MCF2L: variants seen among roughly 807,000 people sequenced by gnomAD.
MCF2L encodes the protein guanine nucleotide exchange factor DBS.
A neutral mutation model predicts 153.4 loss-of-function variants in MCF2L; 97 were observed. The ratio of observed to expected loss-of-function variants is 0.63; its 90% CI spans 0.54 to 0.75. The LOEUF is 0.75. Ranked by LOEUF, MCF2L falls within the 30% of genes least tolerant of loss-of-function variation. The pLI is 0.00. For synonymous variants in MCF2L, 659 were observed against 632.2 expected, an observed-to-expected ratio of 1.04 and a Z score of -0.64; for missense variants, 1,347 against 1,495.2, an observed-to-expected ratio of 0.90 and a Z score of 1.64.
intron 2 of MCF2L, among the ~76,000 whole-genome samples, chr13:113,019,185 G>A (rs558913488): frequency 6.6e-6 from 1 of 152,192 alleles, no homozygotes; most frequent in Non-Finnish European, 1.5e-5. Flanking sequence ...TTAAGTGTTT[G>A]TGCAGCTGAG....
intron 26 of MCF2L, chr13:113,090,506 G>A (rs373231143): frequency 5.9e-5 from 58 of 982,152 alleles, no homozygotes; most frequent in African/African-American, 5.8e-4. Context: ...TGCTGGCTGC[G>A]TGTCTCTGCT....
At chr13:113,033,341 A>G (rs1325201225) in intron 3 of MCF2L, among the ~76,000 whole-genome samples, 15 of 67,366 alleles carry the variant, frequency 2.2e-4, no homozygotes, top group East Asian at 1.6e-3. Flanking sequence ...GGCCCCCGTG[A>G]CATTAGTGGA....
At chr13:112,992,926 T>C (rs1388241009) in intron 1 of MCF2L, among the ~76,000 whole-genome samples, 3 of 152,216 alleles carry the variant, frequency 2.0e-5, no homozygotes, top group Non-Finnish European at 4.4e-5. Flanking sequence ...CGTAAGGGTG[T>C]CTACACTGAG....
intron 15 of MCF2L, 31 bp from the exon 16 acceptor site, chr13:113,081,182 C>G: frequency 1.3e-6 from 2 of 1,555,814 alleles, no homozygotes; most frequent in Non-Finnish European, 8.7e-7. Flanking sequence ...CAGTGCTAAC[C>G]TTTTTTGCTC....
rs944842655 is a variant in MCF2L at position 113,053,260 on chromosome 13, G to C, written c.370-7333G>C. ...AAATCCAGGTCCAGTGAAGGACGGC[G>C]CCCCCGTCAGCTGTCCACCCTTCTC... On this transcript the variant is annotated intron_variant, in intron 4 of 29. Transcript: ENST00000535094. This position sits in a 1 kb window ranked among gnomAD's most constrained non-coding sequence, Gnocchi z 4.4. Among the ~76,000 whole-genome samples, 1 of 152,118 alleles carries C rather than the reference G, an allele frequency of 6.6e-6. No individual in the cohort carries two copies. Among genetic ancestry groups the C allele is most frequent in the Admixed American group, 6.5e-5 (1 of 15,270 alleles).
At position 112,980,047 on chromosome 13, in the gene MCF2L, G is replaced by A. The variant is rs149081743; in HGVS notation, c.79+10589G>A. ...TTGGAAAGACGAGTGGACTCAAAGCGAGGGAAGCGGCAGTGGTGGGTTTAA... is the reference window on the plus strand; with the variant it reads ...TTGGAAAGACGAGTGGACTCAAAGCAAGGGAAGCGGCAGTGGTGGGTTTAA... On this transcript the variant is annotated intron_variant, in intron 1 of 29. Transcript: ENST00000535094. Among the ~76,000 whole-genome samples, 845 of 152,344 alleles carry A rather than the reference G, an allele frequency of 5.5e-3. 7 individuals carry two copies. The highest frequency in any genetic ancestry group is 0.02 in the African/African-American group (821 of 41,570).
chr13:112,901,447 C>T (rs1056897760), intron 1 of MCF2L, among the ~76,000 whole-genome samples: 2 of 152,186 alleles, frequency 1.3e-5, no homozygotes, highest in East Asian at 1.9e-4. Flanking sequence ...AGCCACAATA[C>T]GGTTTATTTA....
rs373112614 is a variant in MCF2L, at chr13:113,065,081, C to G, written c.752C>G (p.Ala251Gly). Residue 251 changes from alanine (A) to glycine (G), a missense_variant, in exon 7 of 30, where the codon GCG (alanine) becomes GGG (glycine). This residue lies in a region of MCF2L where 820 missense variants were observed against 921.2 expected (regional missense o/e 0.89). Coordinates refer to ENST00000535094, the MANE Select transcript of MCF2L (RefSeq NM_001112732.3). ...GCGCACACAGAGAAGAAGGACAAGG[C>G]GAAGGTACATGGGGGGTGCTCCGGC... ...LCAHTEKKDK[A>G]KEDLRLALKE... The G allele has an allele frequency of 8.1e-6, 13 of 1,601,540 alleles. No homozygotes were observed. Among genetic ancestry groups the G allele is most frequent in the South Asian group, 6.7e-5 (6 of 90,184 alleles).
At chr13:112,929,643 G>A (rs2081441703) in intron 2 of MCF2L, among the ~76,000 whole-genome samples, 1 of 152,210 alleles carries the variant, frequency 6.6e-6, no homozygotes, top group African/African-American at 2.4e-5. Context: ...CAGGTGGGTG[G>A]AGCTCCAGAC....
intron 9 of MCF2L, among the ~76,000 whole-genome samples, chr13:113,071,330 G>A (rs949030575): frequency 1.3e-5 from 2 of 152,122 alleles, no homozygotes; most frequent in African/African-American, 4.8e-5. Flanking sequence ...TGTGGTTTGC[G>A]AATATTTTCT....
At chr13:113,021,469 C>G (rs2084880927) in intron 2 of MCF2L, among the ~76,000 whole-genome samples, 1 of 152,174 alleles carries the variant, frequency 6.6e-6, no homozygotes, top group Non-Finnish European at 1.5e-5. Context: ...AGGTCTCAGC[C>G]AGGACAGTGG....
intron 1 of MCF2L, among the ~76,000 whole-genome samples, chr13:112,994,805 G>C (rs1262369865): frequency 1.3e-5 from 2 of 152,254 alleles, no homozygotes; most frequent in African/African-American, 4.8e-5. Flanking sequence ...GGTAGAGTGA[G>C]TCGGAAAGGC....
upstream of MCF2L, chr13:112,966,149 G>A (rs1303175438): frequency 6.6e-6 from 1 of 152,250 alleles, no homozygotes; most frequent in African/African-American, 2.4e-5. This position sits in a 1 kb window ranked among gnomAD's most constrained non-coding sequence, Gnocchi z 4.1. Context: ...GCTCCCTAAT[G>A]CCAGGTGTAA....
At chr13:112,985,908 C>T (rs1594489431) in intron 1 of MCF2L, among the ~76,000 whole-genome samples, 1 of 152,322 alleles carries the variant, frequency 6.6e-6, no homozygotes, top group South Asian at 2.1e-4. Flanking sequence ...GGTGACGTGC[C>T]TGAGGATCGG....
chr13:113,021,519 C>T (rs1041106334), intron 2 of MCF2L, among the ~76,000 whole-genome samples: 1 of 152,172 alleles, frequency 6.6e-6, no homozygotes, highest in Non-Finnish European at 1.5e-5. Flanking sequence ...GCCCCTGGTG[C>T]TGTGTGGACA....
intron 2 of MCF2L, among the ~76,000 whole-genome samples, chr13:112,912,983 CTG>C (rs1374949257): frequency 3.1e-5 from 4 of 129,948 alleles, no homozygotes; most frequent in East Asian, 2.3e-4. Context: ...TGGGGTGTGT[CTG>C]TGTGATTGTG....
intron 1 of MCF2L, among the ~76,000 whole-genome samples, chr13:112,975,960 C>A (rs908493038): frequency 6.6e-6 from 1 of 152,100 alleles, no homozygotes; most frequent in Non-Finnish European, 1.5e-5. Context: ...ACCCCAGGAG[C>A]CTTTGTCCAG....
chr13:113,036,533 G>C (rs984552974), intron 3 of MCF2L, among the ~76,000 whole-genome samples: 32 of 152,208 alleles, frequency 2.1e-4, no homozygotes, highest in African/African-American at 7.7e-4. Context: ...GCATCAGGTG[G>C]GGCTGATTCC....
chr13:112,948,894 C>T (rs1315245230), intron 2 of MCF2L, among the ~76,000 whole-genome samples: 1 of 152,148 alleles, frequency 6.6e-6, no homozygotes, highest in African/African-American at 2.4e-5. Context: ...GGTGAAACCC[C>T]GTCTCTACTA....
Sources: gnomAD v4.1 joint callset for allele counts (sites outside exome capture counted in the v4.1 genomes callset) on GRCh38, gnomAD v4.1.1 for gene constraint, gnomAD v4.1.1 regional missense constraint, Gnocchi (gnomAD v3.1) non-coding constraint, MANE v1.5 for transcripts, NCBI Gene and HGNC (gene_info 2026-07-23, HGNC 2026-07-21) for gene names.